Variants in KXD1 observed in about 807,000 individuals in gnomAD.
The protein encoded by KXD1 is KxDL motif containing 1.
KXD1 carries 5 observed loss-of-function variants against 12.1 expected under a neutral mutation model. That is an observed-to-expected ratio of 0.41 (90% CI 0.22 to 0.87). The LOEUF is 0.87. Among genes scored for constraint, KXD1 ranks in the 40% least tolerant of loss-of-function variants. The pLI, the probability that KXD1 is intolerant of heterozygous loss-of-function variation, is 0.31. For missense variants in KXD1, 193 were observed against 244.9 expected (o/e 0.79, Z 1.41); for synonymous variants, 98 against 100.5 (o/e 0.98, Z 0.15).
At chr19:18,568,304 G>T in intron 4 of KXD1, 98 bp from the exon 5 acceptor site, 1 of 824,874 alleles carries the variant, frequency 1.2e-6, no homozygotes, top group Non-Finnish European at 2.0e-6. Context: ...ATACCCCCAT[G>T]GGGTGAGGGC....
At chr19:18,564,807 G>T (rs1975122074) in intron 2 of KXD1, 62 bp from the exon 3 acceptor site, 4 of 1,590,384 alleles carry the variant, frequency 2.5e-6, no homozygotes, top group Non-Finnish European at 3.4e-6. Flanking sequence ...CAGTCTTCTG[G>T]GCCAGGTTGG....
intron 2 of KXD1, among the ~76,000 whole-genome samples, chr19:18,564,137 G>A (rs1975077515): frequency 6.6e-6 from 1 of 150,830 alleles, no homozygotes; most frequent in South Asian, 2.1e-4. Context: ...TGCCTGCCTT[G>A]ACCTCCCAAA....
At chr19:18,563,134 CA>C (rs1975007983) in intron 2 of KXD1, among the ~76,000 whole-genome samples, 1 of 151,120 alleles carries the variant, frequency 6.6e-6, no homozygotes, top group Admixed American at 6.6e-5. Flanking sequence ...ATTCTTCTTC[CA>C]ATGTGGCCCA....
At chr19:18,561,921 T>C (rs1342413622) in intron 1 of KXD1, 115 bp from the exon 2 acceptor site, 1 of 598,346 alleles carries the variant, frequency 1.7e-6, no homozygotes, top group East Asian at 3.2e-5. Flanking sequence ...ACATCCCCAC[T>C]GTAGGATACC....
At chr19:18,561,880 G>T in intron 1 of KXD1, 156 bp from the exon 2 acceptor site, 1 of 512,858 alleles carries the variant, frequency 1.9e-6, no homozygotes, top group East Asian at 3.4e-5. Context: ...GCACACCTGA[G>T]GTTCAGGTGG....
chr19:18,562,785 C>T (rs992141056), intron 2 of KXD1, among the ~76,000 whole-genome samples: 5 of 152,178 alleles, frequency 3.3e-5, no homozygotes, highest in Admixed American at 6.6e-5. Flanking sequence ...TATGCTGGTG[C>T]GCCTACTTCC....
intron 3 of KXD1, among the ~76,000 whole-genome samples, chr19:18,566,155 A>G (rs1303570126): frequency 4.0e-5 from 6 of 151,792 alleles, no homozygotes; most frequent in African/African-American, 1.4e-4. Context: ...TTCTTAAAAA[A>G]TGTAACACAG....
At position 18,568,719 on chromosome 19, in the gene KXD1, C is replaced by T. The variant is rs912473500; in HGVS notation, c.*88C>T. On this transcript the variant is annotated 3_prime_UTR_variant, in exon 5 of 5. Transcript: ENST00000222307. The stretch of plus-strand genomic sequence containing the variant: ...CCCTGCCTTGTTCTGTCATCCAGGG[C>T]TCCTTTGCTGCCCCGTTCTGTCACC... The T allele has an allele frequency of 1.3e-5, 13 of 1,002,856 alleles. No homozygotes were observed. The highest frequency in any genetic ancestry group is 1.5e-5 in the Non-Finnish European group (10 of 676,730). 62.1% of individuals were successfully genotyped at this position (1,002,856 alleles called of 1,614,324 possible).
intron 3 of KXD1, among the ~76,000 whole-genome samples, chr19:18,566,235 G>T (rs1237947893): frequency 1.3e-5 from 2 of 152,082 alleles, no homozygotes; most frequent in Admixed American, 1.3e-4. Flanking sequence ...CGGATCACGA[G>T]GTCAGGAGAT....
Position 18,565,021 on chromosome 19 carries a change from G to A in KXD1, c.254G>A (p.Arg85Lys). 4 of 1,585,538 alleles carry A rather than the reference G, an allele frequency of 2.5e-6. No individual in the cohort carries two copies. The highest frequency in any genetic ancestry group is 3.4e-6 in the Non-Finnish European group (4 of 1,175,114). Residue 85 changes from arginine (R) to lysine (K), a missense_variant and splice_region_variant, in exon 3 of 5, where the codon AGG (arginine) becomes AAG (lysine). Transcript: ENST00000222307. ...RDLDSIFRRI[R>K]TLKGKLARQH... ...CTGGACAGCATCTTCCGCCGTATCA[G>A]GTGGGTGCTCAGTGCCACCCCAGCC...
At chr19:18,566,761 C>T (rs1434993537) in intron 3 of KXD1, among the ~76,000 whole-genome samples, 2 of 151,806 alleles carry the variant, frequency 1.3e-5, no homozygotes, top group African/African-American at 2.4e-5. Flanking sequence ...CCACTGCACT[C>T]CACCCTGGGC....
intron 4 of KXD1, among the ~76,000 whole-genome samples, chr19:18,567,576 G>T (rs1486522842): frequency 1.3e-5 from 2 of 152,234 alleles, no homozygotes; most frequent in Non-Finnish European, 2.9e-5. Context: ...CACCCATGGG[G>T]TGGGGACTGT....
intron 2 of KXD1, among the ~76,000 whole-genome samples, chr19:18,564,104 C>A (rs558782029): frequency 6.6e-6 from 1 of 152,128 alleles, no homozygotes; most frequent in Non-Finnish European, 1.5e-5. Flanking sequence ...CAAGGCTGGT[C>A]TCGAACTCCT....
chr19:18,563,019 A>G (rs993117630), intron 2 of KXD1, among the ~76,000 whole-genome samples: 2 of 152,252 alleles, frequency 1.3e-5, no homozygotes, highest in Non-Finnish European at 2.9e-5. Context: ...AAATTCGTAA[A>G]CTTTCTTAAA....
intron 1 of KXD1, among the ~76,000 whole-genome samples, chr19:18,561,050 G>A (rs1407208252): frequency 6.6e-6 from 1 of 151,972 alleles, no homozygotes; most frequent in East Asian, 1.9e-4. Flanking sequence ...ACAGGCAAAC[G>A]GGTTAGCTGA....
At position 18,568,607 on chromosome 19, in the gene KXD1, T is replaced by C. The variant is rs1216525058; in HGVS notation, c.507T>C (p.Asp169=). 5 of 1,612,034 alleles carry C rather than the reference T, an allele frequency of 3.1e-6. No homozygotes were observed. The highest frequency in any genetic ancestry group is 4.2e-6 in the Non-Finnish European group (5 of 1,179,982). ...SPAINGRSQT[D]DEEMTGE ...CCATCAACGGCCGCAGCCAGACAGA[T>C]GACGAGGAGATGACGGGCGAATAGC... is the stretch of plus-strand genomic sequence containing the variant. The change falls in exon 5 of 5, where the codon GAT becomes GAC. Residue 169 remains aspartate, a synonymous_variant. Transcript: ENST00000222307.
intron 2 of KXD1, 118 bp downstream of exon 2, chr19:18,562,275 A>C: frequency 6.1e-5 from 42 of 692,584 alleles, no homozygotes; most frequent in Middle Eastern, 5.7e-4. Context: ...AAATGAGCAA[A>C]TCTGTCGCTG....
rs553557869 is a variant in KXD1 at position 18,562,308 on chromosome 19, G to A, written c.101+151G>A. 89 of 646,026 alleles carry A rather than the reference G, an allele frequency of 1.4e-4. 1 individual carries two copies. The highest frequency in any genetic ancestry group is 9.9e-4 in the South Asian group (49 of 49,664). 40.0% of individuals were successfully genotyped at this position (646,026 alleles called of 1,614,324 possible). On this transcript the variant is annotated intron_variant, in intron 2 of 4. Transcript: ENST00000222307. ...CTGGCTCCAAAGTAAATTCCTTCCC[G>A]GCCTGGAGGCGAGGCCTTGGCACAG...
rs28379361 is a variant in KXD1 at position 18,568,352 on chromosome 19, A to G, written c.302-50A>G. On this transcript the variant is annotated intron_variant, in intron 4 of 4. Coordinates refer to ENST00000222307, the MANE Select transcript of KXD1 (RefSeq NM_024069.4). ...TCACATGGACAATAAGTCCTACATC[A>G]CAGAGCTTGGCAAGGTGACAAAACC... 253 of 1,408,986 alleles carry G rather than the reference A, an allele frequency of 1.8e-4. 1 individual carries two copies. The African/African-American group carries it at 2.5e-3, about 14-fold the overall frequency. 87.3% of individuals were successfully genotyped at this position (1,408,986 alleles called of 1,614,324 possible). A position where few individuals can be genotyped will look rare whatever the true frequency, so the allele number is the denominator to read the frequency against.
Sources: gnomAD v4.1 joint callset for allele counts (sites outside exome capture counted in the v4.1 genomes callset) on GRCh38, gnomAD v4.1.1 for gene constraint, MANE v1.5 for transcripts, NCBI Gene and HGNC (gene_info 2026-07-23, HGNC 2026-07-21) for gene names.